The following SERPINA6 variants were observed in gnomAD, a reference collection of about 807,000 sequenced individuals.
SERPINA6 encodes corticosteroid-binding globulin.
SERPINA6 carries 19 observed loss-of-function variants against 26.4 expected under a neutral mutation model. The ratio of observed to expected loss-of-function variants is 0.72; its 90% CI spans 0.50 to 1.06. The LOEUF is 1.06. Among genes scored for constraint, SERPINA6 ranks in the 50% least tolerant of loss-of-function variants. SERPINA6 has a pLI of 0.00. For missense variants in SERPINA6, 473 were observed against 504.0 expected, an observed-to-expected ratio of 0.94 and a Z score of 0.59; for synonymous variants, 196 against 199.4, an observed-to-expected ratio of 0.98 and a Z score of 0.14.
At position 94,308,393 on chromosome 14, in the gene SERPINA6, A is replaced by G. The variant is rs114553878; in HGVS notation, c.884+1343T>C. Among the ~76,000 whole-genome samples the G allele has an allele frequency of 5.3e-3, 804 of 151,058 alleles. 9 individuals carry two copies. The highest frequency in any genetic ancestry group is 0.02 in the Middle Eastern group (6 of 294). On this transcript the variant is annotated intron_variant, in intron 3 of 4. Coordinates refer to ENST00000341584, the MANE Select transcript of SERPINA6 (RefSeq NM_001756.4). ...CCTGTGCTTAGCTAGGGCATGGTAC[A>G]TAGCAAGTGCTTCCGTTTATGTGCA... is the stretch of plus-strand genomic sequence containing the variant.
intron 2 of SERPINA6, among the ~76,000 whole-genome samples, chr14:94,313,048 A>C (rs958264449): frequency 1.3e-5 from 2 of 152,254 alleles, no homozygotes; most frequent in Non-Finnish European, 2.9e-5. Context: ...TGATTGCCCA[A>C]ACAAGGCATG....
At chr14:94,322,559 TGCA>T (rs1895698550) in intron 1 of SERPINA6, among the ~76,000 whole-genome samples, 15 of 152,164 alleles carry the variant, frequency 9.9e-5, no homozygotes, top group Admixed American at 9.8e-4. Flanking sequence ...CATATAAAAA[TGCA>T]GAGTATCAAT....
rs914070418 is a variant in SERPINA6, at chr14:94,310,120, C to G, written c.614-114G>C. 4.2e-5 allele frequency: 43 copies of G among 1,035,864 alleles called. No individual in the cohort carries two copies. The Middle Eastern group carries it at 7.7e-4, about 19-fold the overall frequency. 64.2% of individuals were successfully genotyped at this position (1,035,864 alleles called of 1,614,324 possible). Reference sequence around the variant, plus strand: ...GGCCTTCTGCATGCTTGGAATGTCCCCATTCAAGCCTCAAGGGTTTTTAGG... The same window carrying G: ...GGCCTTCTGCATGCTTGGAATGTCCGCATTCAAGCCTCAAGGGTTTTTAGG... On this transcript the variant is annotated intron_variant, in intron 2 of 4. Coordinates refer to ENST00000341584, the MANE Select transcript of SERPINA6 (RefSeq NM_001756.4).
intron 1 of SERPINA6, 76 bp from the exon 2 acceptor site, chr14:94,314,743 CA>C: frequency 7.2e-7 from 1 of 1,390,048 alleles, no homozygotes. Context: ...AGGAGGCAGG[CA>C]AAAGACCCCA....
At chr14:94,305,509 C>T (rs374746808) in intron 4 of SERPINA6, among the ~76,000 whole-genome samples, 60 of 152,282 alleles carry the variant, frequency 3.9e-4, no homozygotes, top group African/African-American at 1.2e-3. Context: ...GCACATATTA[C>T]GTGCCAGGTA....
intron 2 of SERPINA6, among the ~76,000 whole-genome samples, chr14:94,310,326 A>G (rs1895510462): frequency 6.6e-6 from 1 of 152,040 alleles, no homozygotes; most frequent in South Asian, 2.1e-4. Flanking sequence ...CCATGCCTAG[A>G]GTGGGTCCCA....
Position 94,314,218 on chromosome 14 carries a change from G to A in SERPINA6, c.431C>T (p.Ser144Leu). 1 of 1,614,224 alleles carries A rather than the reference G, an allele frequency of 6.2e-7. No homozygotes were observed. The highest frequency in any genetic ancestry group is 8.5e-7 in the Non-Finnish European group (1 of 1,180,032). ...DGSLELLESF[S>L]ADIKHYYESE... ...CTCATAGTAGTGCTTGATGTCTGCT[G>A]AGAATGACTCCAGCAACTCCAGGCT... Residue 144 changes from serine to leucine, a missense_variant, in exon 2 of 5, where the codon TCA becomes TTA. Transcript: ENST00000341584.
intron 1 of SERPINA6, among the ~76,000 whole-genome samples, chr14:94,322,548 C>T (rs1448640358): frequency 6.6e-6 from 1 of 152,126 alleles, no homozygotes; most frequent in Non-Finnish European, 1.5e-5. Flanking sequence ...AAGTACCCAG[C>T]CATATAAAAA....
rs1330298936 is a variant in SERPINA6, at chr14:94,314,630, T to G, written c.19A>C (p.Thr7Pro). ...CTGGTGGGCAGCCAGAGAAGACAGG[T>G]GTACAGGAGGAGTGGCATTGTCCAG... MPLLLYTCLLWLPTSGL... is the reference protein window; with the variant it reads MPLLLYPCLLWLPTSGL... The change falls in exon 2 of 5, where the codon ACC (threonine) becomes CCC (proline). Residue 7 changes from threonine (T) to proline (P), a missense_variant. Thr to Pro is a conservative substitution (Grantham distance 38). Coordinates refer to ENST00000341584, the MANE Select transcript of SERPINA6 (RefSeq NM_001756.4). 1 of 1,613,634 alleles carries G rather than the reference T, an allele frequency of 6.2e-7. No homozygotes were observed.
chr14:94,312,763 A>G (rs1895550142), intron 2 of SERPINA6, among the ~76,000 whole-genome samples: 1 of 152,004 alleles, frequency 6.6e-6, no homozygotes, highest in South Asian at 2.1e-4. Context: ...ATGCTAAGGC[A>G]GTCCAGGCAG....
Position 94,309,910 on chromosome 14 carries a change from G to T in SERPINA6, c.710C>A (p.Ser237Ter). Residue 237 changes from serine to a stop codon, truncating the protein, a stop_gained, in exon 3 of 5, where the codon TCG becomes TAG. Transcript: ENST00000341584. LOFTEE classifies it high-confidence loss of function. ...TVVKVPMMLQ[S>*]STISYLHDSE... ...GTCATGAAGGTAACTGATGGTGCTCGACTGCAACATCATGGGCACCTTCAC... is the reference window on the plus strand; with the variant it reads ...GTCATGAAGGTAACTGATGGTGCTCTACTGCAACATCATGGGCACCTTCAC... 1.2e-6 allele frequency: 2 copies of T among 1,614,090 alleles called. No homozygotes were observed. The highest frequency in any genetic ancestry group is 8.5e-7 in the Non-Finnish European group (1 of 1,179,986).
chr14:94,314,729 C>G, intron 1 of SERPINA6, 62 bp from the exon 2 acceptor site: 1 of 1,519,684 alleles, frequency 6.6e-7, no homozygotes, highest in Non-Finnish European at 9.0e-7. Flanking sequence ...GGGCGTAGTG[C>G]AAGAGGAGGC....
chr14:94,319,557 C>T (rs1318341397), intron 1 of SERPINA6, among the ~76,000 whole-genome samples: 2 of 152,048 alleles, frequency 1.3e-5, no homozygotes, highest in East Asian at 3.8e-4. Flanking sequence ...TGAAAACAAC[C>T]CAAATGTCTA....
chr14:94,305,646 G>A (rs1176581396), intron 4 of SERPINA6, among the ~76,000 whole-genome samples: 2 of 152,192 alleles, frequency 1.3e-5, no homozygotes, highest in Non-Finnish European at 2.9e-5. Flanking sequence ...CTGAATGCAT[G>A]AATAACAGAA....
intron 3 of SERPINA6, 36 bp from the exon 4 acceptor site, chr14:94,306,254 G>A (rs1895439053): frequency 1.2e-6 from 2 of 1,613,264 alleles, no homozygotes; most frequent in African/African-American, 1.3e-5. Context: ...AGACATTCCA[G>A]GGCTGGGCCT....
intron 4 of SERPINA6, among the ~76,000 whole-genome samples, chr14:94,305,696 T>G (rs1895427373): frequency 6.6e-6 from 1 of 152,178 alleles, no homozygotes; most frequent in African/African-American, 2.4e-5. Context: ...TGGATGTAAT[T>G]GGGTAGAAGG....
At chr14:94,309,126 C>A (rs773937871) in intron 3 of SERPINA6, among the ~76,000 whole-genome samples, 2 of 152,232 alleles carry the variant, frequency 1.3e-5, no homozygotes, top group Non-Finnish European at 2.9e-5. Flanking sequence ...ATCCATTGGC[C>A]GCTTCTCCTC....
intron 1 of SERPINA6, 57 bp from the exon 2 acceptor site, chr14:94,314,724 T>C: frequency 6.5e-7 from 1 of 1,548,840 alleles, no homozygotes; most frequent in Non-Finnish European, 8.8e-7. Context: ...CAATGGGGCG[T>C]AGTGCAAGAG....
chr14:94,314,848 A>G, intron 1 of SERPINA6, 181 bp from the exon 2 acceptor site: 2 of 640,044 alleles, frequency 3.1e-6, no homozygotes, highest in Non-Finnish European at 5.6e-6. Flanking sequence ...GGAGATATGA[A>G]TAACAGCCGT....
Sources: gnomAD v4.1 joint callset for allele counts (sites outside exome capture counted in the v4.1 genomes callset) on GRCh38, gnomAD v4.1.1 for gene constraint, MANE v1.5 for transcripts, NCBI Gene and HGNC (gene_info 2026-07-23, HGNC 2026-07-21) for gene names.